TBC1D1: variants seen among roughly 807,000 people sequenced by gnomAD.
TBC1D1 encodes the protein TBC1 domain family member 1.
A neutral mutation model predicts 125.6 loss-of-function variants in TBC1D1; 89 were observed. The ratio of observed to expected loss-of-function variants is 0.71; its 90% CI spans 0.60 to 0.85. The LOEUF (loss-of-function observed/expected upper bound fraction) is 0.85, where lower values mean the gene tolerates loss of function less well. Among genes scored for constraint, TBC1D1 ranks in the 40% least tolerant of loss-of-function variants. TBC1D1 has a pLI of 0.00. For synonymous variants in TBC1D1, 565 were observed against 564.1 expected, an observed-to-expected ratio of 1.00 and a Z score of -0.02; for missense variants, 1,377 against 1,469.2, an observed-to-expected ratio of 0.94 and a Z score of 1.03.
At chr4:37,958,989 A>G (rs1251401247) in intron 2 of TBC1D1, among the ~76,000 whole-genome samples, 5 of 152,304 alleles carry the variant, frequency 3.3e-5, no homozygotes, top group African/African-American at 7.2e-5. Context: ...TACAAGCTCC[A>G]TATAGAGGTT....
chr4:38,066,763 C>T (rs1340496431), intron 12 of TBC1D1, among the ~76,000 whole-genome samples: 1 of 152,164 alleles, frequency 6.6e-6, no homozygotes, highest in Non-Finnish European at 1.5e-5. Flanking sequence ...TTTGTGAGAT[C>T]CTGAGATAAA....
At chr4:37,919,105 G>T (rs1720360494) in intron 2 of TBC1D1, among the ~76,000 whole-genome samples, 1 of 151,188 alleles carries the variant, frequency 6.6e-6, no homozygotes, top group Admixed American at 6.6e-5. Context: ...AAAAAAACTG[G>T]AAATGTACAG....
At chr4:38,036,334 A>AT (rs963698757) in intron 8 of TBC1D1, among the ~76,000 whole-genome samples, 2 of 152,124 alleles carry the variant, frequency 1.3e-5, no homozygotes, top group Admixed American at 1.3e-4. Flanking sequence ...CCTATGTTAC[A>AT]TGGTACCACA....
chr4:37,972,387 A>G (rs1732208786), intron 2 of TBC1D1, among the ~76,000 whole-genome samples: 1 of 151,378 alleles, frequency 6.6e-6, no homozygotes, highest in African/African-American at 2.4e-5. Context: ...AGGCTGAGGC[A>G]TGAGAATCAC....
chr4:38,076,304 GC>G (rs1755585861), intron 12 of TBC1D1, among the ~76,000 whole-genome samples: 1 of 152,132 alleles, frequency 6.6e-6, no homozygotes, highest in Admixed American at 6.5e-5. Flanking sequence ...GGGGGAAACT[GC>G]CCCCATGATT....
intron 10 of TBC1D1, among the ~76,000 whole-genome samples, chr4:38,047,413 C>T (rs1176818680): frequency 1.3e-5 from 2 of 152,132 alleles, no homozygotes; most frequent in Non-Finnish European, 2.9e-5. Flanking sequence ...CAGACCGCCT[C>T]TGGGGAGTGA....
intron 2 of TBC1D1, among the ~76,000 whole-genome samples, chr4:37,905,087 C>A (rs993628087): frequency 2.0e-5 from 3 of 152,200 alleles, no homozygotes; most frequent in Non-Finnish European, 4.4e-5. Context: ...ACCCTTTGAC[C>A]AGCATCTAAT....
At position 38,118,453 on chromosome 4, in the gene TBC1D1, G is replaced by A. The variant is rs965980254; in HGVS notation, c.2962+261G>A. 3.6e-5 allele frequency: 15 copies of A among 415,740 alleles called. 1 individual carries two copies. The highest frequency in any genetic ancestry group is 3.0e-4 in the Admixed American group (7 of 23,058). 25.8% of individuals were successfully genotyped at this position (415,740 alleles called of 1,614,324 possible). A position where few individuals can be genotyped will look rare whatever the true frequency, so the allele number is the denominator to read the frequency against. The stretch of plus-strand genomic sequence containing the variant: ...CCGTGTAGATCCGATCGCTCACCAT[G>A]AGGGTCTCCCTAGAGCAGACATTTG... On this transcript the variant is annotated intron_variant, in intron 17 of 19. Coordinates refer to ENST00000261439, the MANE Select transcript of TBC1D1 (RefSeq NM_015173.4).
chr4:38,087,857 A>AG (rs1216176115), intron 12 of TBC1D1, among the ~76,000 whole-genome samples: 1 of 131,400 alleles, frequency 7.6e-6, no homozygotes, highest in Non-Finnish European at 1.6e-5. Flanking sequence ...AAAAAAAAAA[A>AG]AAAAAGAAAA....
rs1239546541 is a variant in TBC1D1 at position 38,020,811 on chromosome 4, TTTAG to T, written c.1077+120_1077+123del. The T allele has an allele frequency of 2.2e-5, 17 of 775,042 alleles. No homozygotes were observed. The African/African-American group carries it at 3.0e-4, about 14-fold the overall frequency. The allele number at this position is 775,042 out of a possible 1,614,324, so 48.0% of individuals were successfully genotyped here. A position where few individuals can be genotyped will look rare whatever the true frequency, so the allele number is the denominator to read the frequency against. On this transcript the variant is annotated intron_variant, in intron 5 of 19. Coordinates refer to ENST00000261439, the MANE Select transcript of TBC1D1 (RefSeq NM_015173.4). ...GGTCATTGACATATCATTATTTGTCTTTAGTTATTTACTTATGACTATTTAGTAA... is the reference window on the plus strand; with the variant it reads ...GGTCATTGACATATCATTATTTGTCTTTATTTACTTATGACTATTTAGTAA...
At chr4:38,050,940 G>A (rs1163912669) in intron 11 of TBC1D1, among the ~76,000 whole-genome samples, 1 of 152,226 alleles carries the variant, frequency 6.6e-6, no homozygotes, top group Admixed American at 6.5e-5. Context: ...ATGTCAGAAG[G>A]TACTGCTTAA....
chr4:38,048,026 AGTCT>A (rs1749816167), intron 10 of TBC1D1, among the ~76,000 whole-genome samples: 1 of 152,236 alleles, frequency 6.6e-6, no homozygotes, highest in Admixed American at 6.5e-5. Flanking sequence ...AGGATTTAAA[AGTCT>A]GTCTAAGATT....
Position 38,137,215 on chromosome 4 carries a change from GC to G in TBC1D1, c.3388del (p.Thr1131ProfsTer2), listed in dbSNP as rs775679092. On this transcript the variant is annotated frameshift_variant, in exon 20 of 20. Coordinates refer to ENST00000261439, the MANE Select transcript of TBC1D1 (RefSeq NM_015173.4). LOFTEE classifies it low-confidence loss of function (END_TRUNC). The stretch of plus-strand genomic sequence containing the variant: ...GTGAGAGCAAGCTGAAGCAGGCCAT[GC>G]TTACCTTAGAACTGGAGCGGTCGGC... 1.1e-5 allele frequency: 17 copies of G among 1,612,956 alleles called. No homozygotes were observed. The African/African-American group carries it at 1.9e-4, about 18-fold the overall frequency.
intron 2 of TBC1D1, among the ~76,000 whole-genome samples, chr4:37,979,430 A>C (rs1305429084): frequency 6.6e-6 from 1 of 152,252 alleles, no homozygotes; most frequent in Non-Finnish European, 1.5e-5. Context: ...ATAGATTGTA[A>C]GAATGATGTT....
chr4:37,891,671 T>G (rs1193501551), intron 1 of TBC1D1, among the ~76,000 whole-genome samples: 1 of 49,962 alleles, frequency 2.0e-5, no homozygotes, highest in African/African-American at 8.0e-5. Flanking sequence ...TCCCGCCAAT[T>G]ATCCTAGCGT....
intron 17 of TBC1D1, among the ~76,000 whole-genome samples, chr4:38,122,140 G>C (rs1049566922): frequency 6.6e-6 from 1 of 152,176 alleles, no homozygotes; most frequent in Non-Finnish European, 1.5e-5. Context: ...CTGGCAGCAG[G>C]CATTTGGGAG....
chr4:37,993,371 G>T (rs933466352), intron 2 of TBC1D1, among the ~76,000 whole-genome samples: 5 of 152,146 alleles, frequency 3.3e-5, no homozygotes, highest in African/African-American at 1.2e-4. Context: ...CCTTAAGGCT[G>T]ATCTTTATTT....
At chr4:38,071,572 G>T (rs1020955925) in intron 12 of TBC1D1, among the ~76,000 whole-genome samples, 16 of 152,158 alleles carry the variant, frequency 1.1e-4, no homozygotes, top group African/African-American at 3.9e-4. Context: ...CCAGCCCACT[G>T]CCACAGCTAC....
At chr4:37,912,702 A>G (rs1170410725) in intron 2 of TBC1D1, among the ~76,000 whole-genome samples, 1 of 152,208 alleles carries the variant, frequency 6.6e-6, no homozygotes, top group Non-Finnish European at 1.5e-5. Context: ...TTCATGAAAC[A>G]TATTAAGCCC....
Sources: gnomAD v4.1 joint callset for allele counts (sites outside exome capture counted in the v4.1 genomes callset) on GRCh38, gnomAD v4.1.1 for gene constraint, MANE v1.5 for transcripts, NCBI Gene and HGNC (gene_info 2026-07-23, HGNC 2026-07-21) for gene names.